Variants in CALN1 observed in about 807,000 individuals in gnomAD.
CALN1 encodes calneuron 1.
CALN1 carries 17 observed loss-of-function variants against 30.6 expected under a neutral mutation model. That is an observed-to-expected ratio of 0.56 (90% CI 0.38 to 0.83). CALN1 has a LOEUF of 0.83. Ranked by LOEUF, CALN1 falls within the 40% of genes least tolerant of loss-of-function variation. CALN1 has a pLI of 0.00. For missense variants in CALN1, 291 were observed against 354.9 expected, an observed-to-expected ratio of 0.82 and a Z score of 1.45; for synonymous variants, 156 against 131.4, an observed-to-expected ratio of 1.19 and a Z score of -1.28.
intron 3 of CALN1, among the ~76,000 whole-genome samples, chr7:72,180,007 G>A (rs1789645179): frequency 6.6e-6 from 1 of 152,138 alleles, no homozygotes; most frequent in African/African-American, 2.4e-5. Context: ...GTCCGCATCA[G>A]GATACAAACA....
intron 2 of CALN1, among the ~76,000 whole-genome samples, chr7:72,308,366 G>GGGC (rs1367490990): frequency 1.0e-5 from 1 of 95,306 alleles, no homozygotes; most frequent in Non-Finnish European, 2.1e-5. Context: ...GCTGTCTGTG[G>GGGC]GGGGGGGAGA....
At chr7:72,123,686 T>C (rs916579556) in intron 3 of CALN1, among the ~76,000 whole-genome samples, 1 of 152,122 alleles carries the variant, frequency 6.6e-6, no homozygotes, top group Admixed American at 6.5e-5. Context: ...GCACTCCCAT[T>C]TGTTCTCTGC....
At chr7:72,403,593 G>A (rs1029005579) in intron 1 of CALN1, among the ~76,000 whole-genome samples, 151 bp from the exon 2 acceptor site, 1 of 152,220 alleles carries the variant, frequency 6.6e-6, no homozygotes, top group African/African-American at 2.4e-5. Flanking sequence ...TATAATTACA[G>A]TTGAGACACA....
At chr7:71,900,182 TAAG>T (rs1269330039) in intron 5 of CALN1, among the ~76,000 whole-genome samples, 3 of 152,082 alleles carry the variant, frequency 2.0e-5, no homozygotes, top group Non-Finnish European at 2.9e-5. Context: ...TATAGATCAA[TAAG>T]AAAAGCAGTT....
At chr7:71,978,450 A>G (rs1434407783) in intron 5 of CALN1, among the ~76,000 whole-genome samples, 3 of 150,882 alleles carry the variant, frequency 2.0e-5, no homozygotes, top group East Asian at 3.9e-4. Context: ...TTTTTTTTGT[A>G]TTTTTAGTAG....
intron 5 of CALN1, among the ~76,000 whole-genome samples, chr7:71,838,824 TTTC>T (rs1442802308): frequency 6.6e-6 from 1 of 152,070 alleles, no homozygotes; most frequent in Non-Finnish European, 1.5e-5. Context: ...AAGGACGTGT[TTTC>T]TTCTCCTTCT....
intron 1 of CALN1, among the ~76,000 whole-genome samples, chr7:72,408,480 G>A (rs368354475): frequency 1.0e-3 from 158 of 151,718 alleles, no homozygotes; most frequent in African/African-American, 3.7e-3. Flanking sequence ...TAAAGACAAA[G>A]ACTCTCTAGA....
rs145795447 is a variant in CALN1, at chr7:72,358,511, T to C, written c.119+44740A>G. ...TCACTCCCTGTGGCTGGCCAAGTGG[T>C]ACATGTCCTAATTCTGGGTGCAACA... On this transcript the variant is annotated intron_variant, in intron 2 of 6. Coordinates refer to ENST00000395275, the MANE Select transcript of CALN1 (RefSeq NM_031468.4). Among the ~76,000 whole-genome samples, 210 of 152,298 alleles carry C rather than the reference T, an allele frequency of 1.4e-3. 3 individuals are homozygous for C. The highest frequency in any genetic ancestry group is 4.9e-3 in the African/African-American group (202 of 41,564).
chr7:72,401,136 A>G (rs1055819019), intron 2 of CALN1, among the ~76,000 whole-genome samples: 1 of 152,172 alleles, frequency 6.6e-6, no homozygotes, highest in African/African-American at 2.4e-5. Context: ...TGGGGACTGC[A>G]TTCTCTTCTA....
At chr7:72,430,898 C>T (rs1209853526) in intron 1 of CALN1, among the ~76,000 whole-genome samples, 1 of 151,946 alleles carries the variant, frequency 6.6e-6, no homozygotes, top group East Asian at 1.9e-4. Flanking sequence ...GGAGAATTAT[C>T]TCAAAATTCC....
At chr7:72,389,198 T>G (rs1210387971) in intron 2 of CALN1, among the ~76,000 whole-genome samples, 4 of 152,230 alleles carry the variant, frequency 2.6e-5, no homozygotes, top group African/African-American at 9.6e-5. Context: ...TCCCTGGTAT[T>G]CACATCAAAC....
At chr7:72,313,787 C>T (rs765172647) in intron 2 of CALN1, among the ~76,000 whole-genome samples, 2 of 152,170 alleles carry the variant, frequency 1.3e-5, no homozygotes, top group Non-Finnish European at 2.9e-5. Flanking sequence ...TTTACCTAAA[C>T]ACTGCTAAAA....
chr7:72,408,073 C>T lies in CALN1; in HGVS notation c.-74+3985G>A, dbSNP rs555095874. Reference sequence around the variant, plus strand: ...GAGCAACCTTGAAATAATTGGTGTTCAATAAACATATATTGAACACACATT... The same window carrying T: ...GAGCAACCTTGAAATAATTGGTGTTTAATAAACATATATTGAACACACATT... On this transcript the variant is annotated intron_variant, in intron 1 of 6. Transcript: ENST00000395275. Among the ~76,000 whole-genome samples, 127 of 152,078 alleles carry T rather than the reference C, an allele frequency of 8.4e-4. 1 individual carries two copies. Among genetic ancestry groups the T allele is most frequent in the African/African-American group, 3.0e-3 (125 of 41,482 alleles).
rs1025665508 is a variant in CALN1 at position 71,785,182 on chromosome 7, C to T, written c.*2593G>A. On this transcript the variant is annotated 3_prime_UTR_variant, in exon 7 of 7. Coordinates refer to ENST00000395275, the MANE Select transcript of CALN1 (RefSeq NM_031468.4). ...TTCTGTGTCTTCCTTCTTGCCATCT[C>T]TCTCTAGCAGTCTGCAGAGGAATGC... is the stretch of plus-strand genomic sequence containing the variant. 3.6e-5 allele frequency: 10 copies of T among 276,380 alleles called. No individual in the cohort carries two copies. Among genetic ancestry groups the T allele is most frequent in the Non-Finnish European group, 6.7e-5 (10 of 148,736 alleles). The allele number at this position is 276,380 out of a possible 1,614,324, so 17.1% of individuals were successfully genotyped here. A position where few individuals can be genotyped will look rare whatever the true frequency, so the allele number is the denominator to read the frequency against.
intron 5 of CALN1, among the ~76,000 whole-genome samples, chr7:71,848,497 T>C (rs901686790): frequency 4.6e-5 from 7 of 152,136 alleles, no homozygotes; most frequent in African/African-American, 1.4e-4. Flanking sequence ...CGTAGAATAT[T>C]GCAAAGAAAA....
chr7:71,870,579 G>GT (rs557717957), intron 5 of CALN1, among the ~76,000 whole-genome samples: 8 of 152,092 alleles, frequency 5.3e-5, no homozygotes, highest in Admixed American at 5.2e-4. Context: ...TAGTAGAATT[G>GT]TTTTTTTCCC....
chr7:72,403,700 T>C (rs934596519), intron 1 of CALN1, among the ~76,000 whole-genome samples: 11 of 152,232 alleles, frequency 7.2e-5, no homozygotes, highest in Non-Finnish European at 1.5e-5. Context: ...TACAGGTATT[T>C]TTCCATTCGT....
intron 2 of CALN1, among the ~76,000 whole-genome samples, chr7:72,285,931 TAA>T (rs1798052973): frequency 6.6e-6 from 1 of 152,156 alleles, no homozygotes; most frequent in Non-Finnish European, 1.5e-5. Context: ...TGCTAAAGGT[TAA>T]AGAGCCTAAC....
chr7:72,167,546 T>A (rs1201628980), intron 3 of CALN1, among the ~76,000 whole-genome samples: 1 of 152,200 alleles, frequency 6.6e-6, no homozygotes, highest in African/African-American at 2.4e-5. Flanking sequence ...GGTTTCACCA[T>A]GTTGGCCAGG....
Sources: allele counts gnomAD v4.1 joint callset (sites outside exome capture counted in the v4.1 genomes callset), GRCh38; gene constraint gnomAD v4.1.1; transcripts MANE v1.5; gene names NCBI Gene and HGNC (gene_info 2026-07-23, HGNC 2026-07-21).